The following TRPM3 variants were observed in gnomAD, a reference collection of about 807,000 sequenced individuals.
The protein encoded by TRPM3 is long transient receptor potential channel 3.
Under a neutral mutation model 181.2 loss-of-function variants are expected in TRPM3, and 77 were observed. That is an observed-to-expected ratio of 0.42 (90% CI 0.35 to 0.51). The LOEUF (loss-of-function observed/expected upper bound fraction) is 0.51. Among genes scored for constraint, TRPM3 ranks in the 20% least tolerant of loss-of-function variants. The pLI, the probability that TRPM3 is intolerant of heterozygous loss-of-function variation, is 0.01. For missense variants in TRPM3, 1,759 were observed against 2,196.7 expected (o/e 0.80, Z 3.98); for synonymous variants, 745 against 796.4 (o/e 0.94, Z 1.09).
chr9:71,027,527 G>A (rs58016422), intron 1 of TRPM3, among the ~76,000 whole-genome samples: 1,582 of 152,246 alleles, frequency 0.01, 37 homozygotes, highest in African/African-American at 0.036. Context: ...TAAGATTCAG[G>A]AGAATACTGA....
intron 1 of TRPM3, among the ~76,000 whole-genome samples, chr9:70,884,128 T>C (rs573424033): frequency 1.3e-5 from 2 of 152,190 alleles, no homozygotes; most frequent in East Asian, 3.9e-4. Context: ...AATGAAGGGA[T>C]TCCTAGGGAG....
intron 1 of TRPM3, among the ~76,000 whole-genome samples, chr9:71,378,764 A>C (rs1402162554): frequency 6.6e-6 from 1 of 152,118 alleles, no homozygotes; most frequent in Non-Finnish European, 1.5e-5. Flanking sequence ...ACTTTTTAGT[A>C]AATCATACTT....
chr9:71,015,182 C>G (rs984971483), intron 1 of TRPM3, among the ~76,000 whole-genome samples: 6 of 152,186 alleles, frequency 3.9e-5, no homozygotes, highest in African/African-American at 1.4e-4. Flanking sequence ...CTGACTCCCT[C>G]TATTTAAAAT....
intron 1 of TRPM3, among the ~76,000 whole-genome samples, chr9:71,355,157 G>C (rs2132691020): frequency 6.6e-6 from 1 of 152,262 alleles, no homozygotes; most frequent in South Asian, 2.1e-4. Flanking sequence ...TGCAATTAAT[G>C]GTTCCTGTTA....
intron 1 of TRPM3, among the ~76,000 whole-genome samples, chr9:71,046,591 C>A (rs998796254): frequency 6.6e-6 from 1 of 152,112 alleles, no homozygotes; most frequent in Non-Finnish European, 1.5e-5. Context: ...TGCCTGTCTC[C>A]GGATCTATCC....
At chr9:70,906,579 TGTTA>T (rs777797191) in intron 1 of TRPM3, among the ~76,000 whole-genome samples, 10 of 152,150 alleles carry the variant, frequency 6.6e-5, no homozygotes, top group African/African-American at 1.9e-4. Context: ...TTTTCAAGCT[TGTTA>T]GTTAAAGTGA....
At chr9:71,042,595 T>C (rs1267092821) in intron 1 of TRPM3, among the ~76,000 whole-genome samples, 1 of 152,214 alleles carries the variant, frequency 6.6e-6, no homozygotes. Context: ...TGAATTTCCA[T>C]GCCTCCAATT....
chr9:71,079,834 A>G (rs532800061), intron 1 of TRPM3, among the ~76,000 whole-genome samples: 2 of 152,116 alleles, frequency 1.3e-5, no homozygotes, highest in African/African-American at 4.8e-5. Context: ...CATTACCCCC[A>G]GTGGTCTTCT....
intron 1 of TRPM3, among the ~76,000 whole-genome samples, chr9:71,165,906 C>G (rs886226093): frequency 3.3e-5 from 5 of 152,110 alleles, no homozygotes; most frequent in Non-Finnish European, 7.3e-5. Context: ...TAGTCTCCAC[C>G]CATTCGAAGA....
At chr9:71,000,044 GT>G (rs1245672762) in intron 1 of TRPM3, among the ~76,000 whole-genome samples, 4 of 152,196 alleles carry the variant, frequency 2.6e-5, no homozygotes, top group Non-Finnish European at 5.9e-5. Context: ...CAAGAAAGCT[GT>G]TGGGGATGGC....
intron 1 of TRPM3, among the ~76,000 whole-genome samples, chr9:71,299,805 T>G (rs1464496340): frequency 6.6e-6 from 1 of 152,078 alleles, no homozygotes; most frequent in South Asian, 2.1e-4. Context: ...ACTGAAAATT[T>G]GTGGGAAAAA....
At chr9:70,565,100 G>T (rs1169437843) in intron 22 of TRPM3, among the ~76,000 whole-genome samples, 1 of 152,200 alleles carries the variant, frequency 6.6e-6, no homozygotes, top group African/African-American at 2.4e-5. Flanking sequence ...CTAAGCAGCT[G>T]TTGGCTCTTG....
intron 1 of TRPM3, among the ~76,000 whole-genome samples, chr9:70,878,845 C>G (rs978943721): frequency 1.3e-5 from 2 of 152,064 alleles, no homozygotes; most frequent in Admixed American, 6.6e-5. Flanking sequence ...GGAAGATCTA[C>G]TGGATCTGCA....
chr9:71,062,832 G>A (rs571641803), intron 1 of TRPM3, among the ~76,000 whole-genome samples: 5 of 152,036 alleles, frequency 3.3e-5, no homozygotes, highest in South Asian at 4.2e-4. Context: ...TTGGCCTTCC[G>A]CCTTCTACCA....
At chr9:71,350,885 T>C (rs904530765) in intron 1 of TRPM3, among the ~76,000 whole-genome samples, 1 of 152,178 alleles carries the variant, frequency 6.6e-6, no homozygotes, top group African/African-American at 2.4e-5. Flanking sequence ...GGAAGATATT[T>C]TGGGGAGGGG....
chr9:71,125,871 G>A (rs1052352234), upstream of TRPM3, among the ~76,000 whole-genome samples: 2 of 152,042 alleles, frequency 1.3e-5, no homozygotes, highest in African/African-American at 2.4e-5. Flanking sequence ...ATTGACAAAC[G>A]GGATCTAATT....
At chr9:70,799,681 G>T (rs1269302936) in intron 6 of TRPM3, among the ~76,000 whole-genome samples, 1 of 152,152 alleles carries the variant, frequency 6.6e-6, no homozygotes, top group Non-Finnish European at 1.5e-5. Flanking sequence ...AGCTAATCCT[G>T]CAGTAATGGG....
intron 1 of TRPM3, among the ~76,000 whole-genome samples, chr9:71,050,606 T>A (rs2059960733): frequency 6.6e-6 from 1 of 152,244 alleles, no homozygotes; most frequent in Admixed American, 6.5e-5. Context: ...ATATACTACT[T>A]GTTGGCTAGA....
At chr9:71,011,044 G>C (rs1397797490) in intron 1 of TRPM3, among the ~76,000 whole-genome samples, 1 of 152,010 alleles carries the variant, frequency 6.6e-6, no homozygotes, top group Non-Finnish European at 1.5e-5. Context: ...TATTTTAAGT[G>C]AAATAAGCCA....
Sources: gnomAD v4.1 joint callset for allele counts (sites outside exome capture counted in the v4.1 genomes callset) on GRCh38, gnomAD v4.1.1 for gene constraint, MANE v1.5 for transcripts, NCBI Gene and HGNC (gene_info 2026-07-23, HGNC 2026-07-21) for gene names.